The following BUB1B variants were observed in gnomAD, a reference collection of about 807,000 sequenced individuals.
BUB1B encodes the protein mitotic checkpoint serine/threonine-protein kinase BUB1 beta.
BUB1B carries 86 observed loss-of-function variants against 137.7 expected under a neutral mutation model. That is an observed-to-expected ratio of 0.62 (90% confidence interval 0.52 to 0.75). The LOEUF (loss-of-function observed/expected upper bound fraction) is 0.75. Ranked by LOEUF, BUB1B falls within the 30% of genes least tolerant of loss-of-function variation. BUB1B has a pLI of 0.00. For missense variants in BUB1B, 1,130 were observed against 1,236.9 expected, an observed-to-expected ratio of 0.91 and a Z score of 1.30; for synonymous variants, 420 against 417.9, an observed-to-expected ratio of 1.00 and a Z score of -0.06.
intron 14 of BUB1B, among the ~76,000 whole-genome samples, chr15:40,202,987 A>G (rs536731705): frequency 6.6e-6 from 1 of 152,346 alleles, no homozygotes; most frequent in South Asian, 2.1e-4. Flanking sequence ...GCCACTTTGG[A>G]AAACAGTTTG....
intron 11 of BUB1B, 54 bp downstream of exon 11, chr15:40,200,413 A>T: frequency 7.5e-7 from 1 of 1,339,022 alleles, no homozygotes; most frequent in South Asian, 1.2e-5. Context: ...TTTAGAACCA[A>T]CCTTTGACTC....
chr15:40,188,434 TATAGAAGCTCTTC>T (rs1409015928), intron 8 of BUB1B, among the ~76,000 whole-genome samples: 4 of 152,290 alleles, frequency 2.6e-5, no homozygotes, highest in Non-Finnish European at 4.4e-5. Flanking sequence ...CTTAGTGATG[TATAGAAGCTCTTC>T]ATAGATGAAG....
chr15:40,212,636 C>T lies in BUB1B; in HGVS notation c.2523C>T (p.Cys841=), dbSNP rs34999621. 4.0e-3 allele frequency: 6,488 copies of T among 1,613,216 alleles called. 237 individuals carry two copies. In the African/African-American group the frequency reaches 0.078, roughly 19 times the overall value. Residue 841 remains cysteine, a synonymous_variant, in exon 19 of 23, where the codon TGC becomes TGT. Transcript: ENST00000287598. The stretch of plus-strand genomic sequence containing the variant: ...TTGTTTGGCACCAATATATAAACTG[C>T]TTCACCCTTCAGGTCTGTAATACTA... ...GCIVWHQYIN[C]FTLQDLLQHS... is the part of the protein sequence containing the mutation.
chr15:40,165,676 C>T (rs1207249242), intron 2 of BUB1B, among the ~76,000 whole-genome samples: 4 of 151,956 alleles, frequency 2.6e-5, no homozygotes, highest in African/African-American at 9.7e-5. Flanking sequence ...TCAAATGGAC[C>T]TGTGGATCTC....
intron 2 of BUB1B, among the ~76,000 whole-genome samples, chr15:40,169,367 C>G (rs2037135481): frequency 6.6e-6 from 1 of 151,828 alleles, no homozygotes; most frequent in African/African-American, 2.4e-5. Context: ...TAAGAAAGTA[C>G]TATTATTATC....
chr15:40,163,019 T>C (rs1329323146), intron 1 of BUB1B, among the ~76,000 whole-genome samples: 3 of 152,176 alleles, frequency 2.0e-5, no homozygotes, highest in Non-Finnish European at 2.9e-5. Context: ...GGAGTTTTCA[T>C]GTTTTCCGCA....
chr15:40,184,402 T>C (rs1314879426), intron 6 of BUB1B, among the ~76,000 whole-genome samples: 2 of 152,104 alleles, frequency 1.3e-5, no homozygotes, highest in African/African-American at 4.8e-5. Flanking sequence ...ACTCCTAGGC[T>C]CAAGCAGTTC....
intron 5 of BUB1B, among the ~76,000 whole-genome samples, chr15:40,180,471 G>A (rs964625950): frequency 6.6e-6 from 1 of 150,510 alleles, no homozygotes; most frequent in African/African-American, 2.4e-5. Context: ...TCATCACATT[G>A]GCCAGGCTGG....
intron 2 of BUB1B, among the ~76,000 whole-genome samples, chr15:40,168,579 T>A (rs1175273023): frequency 6.6e-6 from 1 of 152,246 alleles, no homozygotes; most frequent in Non-Finnish European, 1.5e-5. Context: ...TTCTAATGCC[T>A]GGCTATCCTT....
At chr15:40,167,496 C>T (rs1008922530) in intron 2 of BUB1B, among the ~76,000 whole-genome samples, 1 of 151,938 alleles carries the variant, frequency 6.6e-6, no homozygotes, top group African/African-American at 2.4e-5. Context: ...GCACGCACCA[C>T]CACGCCTGGC....
In BUB1B at chr15:40,170,055, A is replaced by G. The variant is rs750125592; in HGVS notation, c.180-7A>G. On this transcript the variant is annotated splice_region_variant and splice_polypyrimidine_tract_variant and intron_variant, in intron 2 of 22. Transcript: ENST00000287598. ...GCATATGCTAACTTTTTCTGTTTACATTTCAGGGCATTTGAATATGAAATT... is the reference window on the plus strand; with the variant it reads ...GCATATGCTAACTTTTTCTGTTTACGTTTCAGGGCATTTGAATATGAAATT... 1.9e-5 allele frequency: 30 copies of G among 1,612,498 alleles called. No individual in the cohort carries two copies. Among genetic ancestry groups the G allele is most frequent in the South Asian group, 1.1e-4 (10 of 91,058 alleles).
chr15:40,188,646 C>T (rs888508958), intron 8 of BUB1B, among the ~76,000 whole-genome samples: 16 of 149,000 alleles, frequency 1.1e-4, no homozygotes, highest in Admixed American at 1.3e-4. Flanking sequence ...GCAGTGGCGC[C>T]GTCTCAGCTC....
At chr15:40,188,279 G>A (rs551698604) in intron 8 of BUB1B, among the ~76,000 whole-genome samples, 10 of 152,140 alleles carry the variant, frequency 6.6e-5, no homozygotes, top group African/African-American at 2.2e-4. Context: ...AACTGACCTC[G>A]TGATCTGCCT....
At chr15:40,193,893 T>TAAAAAAAAAA in intron 8 of BUB1B, among the ~76,000 whole-genome samples, 1 of 122,692 alleles carries the variant, frequency 8.2e-6, no homozygotes. Flanking sequence ...AGATTCTGTC[T>TAAAAAAAAAA]AAAAAAAAAA....
intron 8 of BUB1B, chr15:40,186,999 T>C (rs749196814): frequency 4.0e-5 from 6 of 151,526 alleles, no homozygotes; most frequent in African/African-American, 7.3e-5. Context: ...CTCGACCTCC[T>C]GGTTCAACGG....
chr15:40,214,961 A>C (rs935591065), intron 20 of BUB1B, among the ~76,000 whole-genome samples: 1 of 152,048 alleles, frequency 6.6e-6, no homozygotes, highest in East Asian at 1.9e-4. Flanking sequence ...TTAAAATGAC[A>C]GTGCTGAAAT....
At chr15:40,186,903 CT>C (rs1038928374) in intron 8 of BUB1B, 135 of 143,784 alleles carry the variant, frequency 9.4e-4, no homozygotes, top group Non-Finnish European at 1.1e-3. Flanking sequence ...TATTTTTTTT[CT>C]TTTTTTTTTT....
intron 11 of BUB1B, 36 bp downstream of exon 11, chr15:40,200,395 G>A (rs1040040672): frequency 6.5e-7 from 1 of 1,545,056 alleles, no homozygotes. Context: ...AATGCATATA[G>A]GAGGGCATTT....
rs376829378 is a variant in BUB1B, at chr15:40,198,588, GGTT to G, written c.1289-1023_1289-1021del. Among the ~76,000 whole-genome samples, 36 of 152,218 alleles carry G rather than the reference GGTT, an allele frequency of 2.4e-4. No homozygotes were observed. The East Asian group carries it at 6.2e-3, about 26-fold the overall frequency. ...AAGCCACAATCAGGGCCTACACAAA[GGTT>G]GTTTTTTCTTTGCGTTGCACTTCCA... On this transcript the variant is annotated intron_variant, in intron 9 of 22. Transcript: ENST00000287598.
Sources: gnomAD v4.1 joint callset for allele counts (sites outside exome capture counted in the v4.1 genomes callset) on GRCh38, gnomAD v4.1.1 for gene constraint, MANE v1.5 for transcripts, NCBI Gene and HGNC (gene_info 2026-07-23, HGNC 2026-07-21) for gene names.